KIRREL3: variants seen among roughly 807,000 people sequenced by gnomAD.
KIRREL3 encodes kin of IRRE-like protein 3.
In KIRREL3, 36 loss-of-function variants were observed where a neutral mutation model predicts 89.7. That is an observed-to-expected ratio of 0.40 (90% CI 0.31 to 0.53). The LOEUF is 0.53. KIRREL3 is among the 20% of genes least tolerant of loss of function. The pLI, the probability that KIRREL3 is intolerant of heterozygous loss-of-function variation, is 0.49. For missense variants in KIRREL3, 864 were observed against 1,056.6 expected (o/e 0.82, Z 2.53); for synonymous variants, 445 against 441.4 (o/e 1.01, Z -0.10).
rs1958285529 is a variant in KIRREL3, at chr11:126,513,264, G to A, written c.433+8051C>T. ...GGAGCAAAAGATGCTGGGGGGTATG[G>A]GGGCTGGCCCTGGGCATGGTCATTT... On this transcript the variant is annotated intron_variant, in intron 4 of 16. Coordinates refer to ENST00000525144, the MANE Select transcript of KIRREL3 (RefSeq NM_032531.4). This position sits in a 1 kb window ranked among gnomAD's most constrained non-coding sequence, Gnocchi z 5.9. Among the ~76,000 whole-genome samples, 1 of 152,102 alleles carries A rather than the reference G, an allele frequency of 6.6e-6. No homozygotes were observed. The highest frequency in any genetic ancestry group is 2.4e-5 in the African/African-American group (1 of 41,404).
At chr11:126,831,499 A>G (rs1334326982) in intron 1 of KIRREL3, among the ~76,000 whole-genome samples, 2 of 151,558 alleles carry the variant, frequency 1.3e-5, no homozygotes, top group Admixed American at 6.6e-5. Context: ...ACATCAGGTA[A>G]ACCTTGCCCT....
Position 126,424,851 on chromosome 11 carries a change from T to C in KIRREL3, c.2066A>G (p.Tyr689Cys), listed in dbSNP as rs765409471. 7 of 1,613,860 alleles carry C rather than the reference T, an allele frequency of 4.3e-6. No individual in the cohort carries two copies. The East Asian group carries it at 1.3e-4, about 31-fold the overall frequency. The change falls in exon 17 of 17, where the codon TAC (tyrosine) becomes TGC (cysteine). Residue 689 changes from tyrosine (Y) to cysteine (C), a missense_variant. Tyr to Cys is a radical substitution (Grantham distance 194). Coordinates refer to ENST00000525144, the MANE Select transcript of KIRREL3 (RefSeq NM_032531.4). ...YSTLSGQGRL[Y>C]DYGQRFVLGM... ...CAGCACAAACCGCTGCCCGTAGTCG[T>C]AGAGGCGGCCCTGGCCGCTCAGGGT...
In KIRREL3 at chr11:126,684,037, T is replaced by G. The variant is rs10450634; in HGVS notation, c.56-121125A>C. Among the ~76,000 whole-genome samples, 5 of 152,338 alleles carry G rather than the reference T, an allele frequency of 3.3e-5. No individual in the cohort carries two copies. The highest frequency in any genetic ancestry group is 1.2e-4 in the African/African-American group (5 of 41,588). On this transcript the variant is annotated intron_variant, in intron 1 of 16. Coordinates refer to ENST00000525144, the MANE Select transcript of KIRREL3 (RefSeq NM_032531.4). The surrounding 1 kb of genome is among the most constrained non-coding windows in gnomAD (Gnocchi z 4.2). ...GCTCCGCCTTCATACCGAAGGCAGC[T>G]TAGCATGGCACTGTCTGATCTGCTG...
rs1332261774 is a variant in KIRREL3 at position 126,522,926 on chromosome 11, G to A, written c.284-1462C>T. On this transcript the variant is annotated intron_variant, in intron 3 of 16. Transcript: ENST00000525144. This position sits in a 1 kb window ranked among gnomAD's most constrained non-coding sequence, Gnocchi z 6.0. ...TCTCAGACGGGTGCTGTAGGAGGAT[G>A]AGACGGGACACATTCAGCCTTTTAA... Among the ~76,000 whole-genome samples, 1 of 152,252 alleles carries A rather than the reference G, an allele frequency of 6.6e-6. No homozygotes were observed. Among genetic ancestry groups the A allele is most frequent in the African/African-American group, 2.4e-5 (1 of 41,470 alleles).
At chr11:126,453,326 C>G (rs1207095369) in intron 7 of KIRREL3, among the ~76,000 whole-genome samples, 2 of 152,064 alleles carry the variant, frequency 1.3e-5, no homozygotes, top group Non-Finnish European at 2.9e-5. Context: ...CCCCAAAGCA[C>G]TTTGGGCTCC....
rs527418577 is a variant in KIRREL3, at chr11:126,495,649, G to A, written c.434-22183C>T. On this transcript the variant is annotated intron_variant, in intron 4 of 16. Coordinates refer to ENST00000525144, the MANE Select transcript of KIRREL3 (RefSeq NM_032531.4). The surrounding 1 kb of genome is among the most constrained non-coding windows in gnomAD (Gnocchi z 6.5). ...TGTGTCCTCCCTGCTGTGACACCAG[G>A]TATAAGCAGAAACTTATGGTCACAG... 1.3e-5 allele frequency among the ~76,000 whole-genome samples: 2 copies of A among 152,240 alleles called. No individual in the cohort carries two copies. The highest frequency in any genetic ancestry group is 3.9e-4 in the East Asian group (2 of 5,160).
At chr11:126,907,732 C>T (rs182284224) in intron 1 of KIRREL3, among the ~76,000 whole-genome samples, 95 of 152,178 alleles carry the variant, frequency 6.2e-4, no homozygotes, top group Non-Finnish European at 1.1e-3. Flanking sequence ...ACTGAAGTGA[C>T]GAGATGGACA....
chr11:126,930,340 C>T (rs1947898004), intron 1 of KIRREL3, among the ~76,000 whole-genome samples: 1 of 152,108 alleles, frequency 6.6e-6, no homozygotes, highest in Non-Finnish European at 1.5e-5. Context: ...CCCTCTCTCC[C>T]ACCATTCTTT....
At chr11:126,509,668 C>T (rs977270615) in intron 4 of KIRREL3, among the ~76,000 whole-genome samples, 4 of 152,178 alleles carry the variant, frequency 2.6e-5, no homozygotes, top group Non-Finnish European at 4.4e-5. Context: ...TGCCTTGTGG[C>T]ATCCTGCCAC....
chr11:126,656,152 C>T lies in KIRREL3; in HGVS notation c.56-93240G>A, dbSNP rs1179728894. The T allele has an allele frequency of 1.8e-5, 8 of 456,018 alleles. No homozygotes were observed. Among genetic ancestry groups the T allele is most frequent in the Non-Finnish European group, 3.1e-5 (7 of 226,950 alleles). 28.2% of individuals were successfully genotyped at this position (456,018 alleles called of 1,614,324 possible). ...CTCGGGAACCAGCAACACAGATGTT[C>T]CCAGGAGCAATGTTTGCAGGTGAGT... On this transcript the variant is annotated intron_variant, in intron 1 of 16. Coordinates refer to ENST00000525144, the MANE Select transcript of KIRREL3 (RefSeq NM_032531.4). This position sits in a 1 kb window ranked among gnomAD's most constrained non-coding sequence, Gnocchi z 4.0.
At chr11:126,949,181 G>A (rs1349979555) in intron 1 of KIRREL3, among the ~76,000 whole-genome samples, 2 of 152,136 alleles carry the variant, frequency 1.3e-5, no homozygotes, top group Admixed American at 1.3e-4. Context: ...GATTTCTGGT[G>A]AGCTTTTAAG....
At chr11:126,972,843 C>T (rs896588611) in intron 1 of KIRREL3, among the ~76,000 whole-genome samples, 2 of 151,956 alleles carry the variant, frequency 1.3e-5, no homozygotes, top group African/African-American at 2.4e-5. Flanking sequence ...AAAACAACTG[C>T]AGAGGAATAA....
At position 126,956,063 on chromosome 11, in the gene KIRREL3, C is replaced by T. The variant is rs116023630; in HGVS notation, c.55+44392G>A. ...TTTCTGTCATTGAGTGACACATATG[C>T]CCACCTGCTTGCAAGTCCTGCATCC... On this transcript the variant is annotated intron_variant, in intron 1 of 16. Transcript: ENST00000525144. Among the ~76,000 whole-genome samples the T allele has an allele frequency of 6.5e-3, 987 of 152,294 alleles. 7 individuals carry two copies. The highest frequency in any genetic ancestry group is 0.022 in the African/African-American group (922 of 41,570).
At chr11:126,934,847 T>A (rs1451067079) in intron 1 of KIRREL3, 1 of 152,056 alleles carries the variant, frequency 6.6e-6, no homozygotes, top group African/African-American at 2.4e-5. Context: ...GATCACGAGG[T>A]CAGGACATCG....
At position 126,668,062 on chromosome 11, in the gene KIRREL3, A is replaced by G. The variant is rs1351684320; in HGVS notation, c.56-105150T>C. On this transcript the variant is annotated intron_variant, in intron 1 of 16. Coordinates refer to ENST00000525144, the MANE Select transcript of KIRREL3 (RefSeq NM_032531.4). The surrounding 1 kb of genome is among the most constrained non-coding windows in gnomAD (Gnocchi z 4.4). ...GCCCCTCATAAGGGGTTGATAGCTG[A>G]GCCCCTGTGTCTTAGTCAGTTTCGG... 6.6e-6 allele frequency among the ~76,000 whole-genome samples: 1 copy of G among 152,168 alleles called. No homozygotes were observed. The highest frequency in any genetic ancestry group is 1.5e-5 in the Non-Finnish European group (1 of 68,028).
intron 1 of KIRREL3, among the ~76,000 whole-genome samples, chr11:126,831,435 T>TTCTCTCTC (rs5795530): frequency 0.54 from 80,604 of 149,800 alleles, 21,474 homozygotes; most frequent in East Asian, 0.68. Context: ...CTCTCTCTCT[T>TTCTCTCTC]TCTCTCTCTC....
rs1238382515 is a variant in KIRREL3 at position 126,639,187 on chromosome 11, G to A, written c.56-76275C>T. The stretch of plus-strand genomic sequence containing the variant: ...AGATCTGGAAACTTAAGCTCTGGAG[G>A]GCCACCTGTCAGATGAGATTTGCCT... On this transcript the variant is annotated intron_variant, in intron 1 of 16. Transcript: ENST00000525144. This position sits in a 1 kb window ranked among gnomAD's most constrained non-coding sequence, Gnocchi z 4.3. Among the ~76,000 whole-genome samples the A allele has an allele frequency of 6.6e-6, 1 of 152,028 alleles. No individual in the cohort carries two copies. The highest frequency in any genetic ancestry group is 2.4e-5 in the African/African-American group (1 of 41,382).
rs1006705470 is a variant in KIRREL3, at chr11:126,607,356, A to C, written c.56-44444T>G. The stretch of plus-strand genomic sequence containing the variant: ...TTCTTATGGCTGGGGCTGCTTTCTA[A>C]TGTGAATATGAGTACTCTTGGCTGG... On this transcript the variant is annotated intron_variant, in intron 1 of 16. Coordinates refer to ENST00000525144, the MANE Select transcript of KIRREL3 (RefSeq NM_032531.4). The surrounding 1 kb of genome is among the most constrained non-coding windows in gnomAD (Gnocchi z 6.6). Among the ~76,000 whole-genome samples, 1 of 152,088 alleles carries C rather than the reference A, an allele frequency of 6.6e-6. No homozygotes were observed. The highest frequency in any genetic ancestry group is 2.4e-5 in the African/African-American group (1 of 41,412).
At chr11:126,962,365 G>A (rs909039395) in intron 1 of KIRREL3, among the ~76,000 whole-genome samples, 7 of 152,176 alleles carry the variant, frequency 4.6e-5, no homozygotes, top group Non-Finnish European at 7.3e-5. Flanking sequence ...CAATCCTCAC[G>A]GATGACTTTG....
Sources: gnomAD v4.1 joint callset for allele counts (sites outside exome capture counted in the v4.1 genomes callset) on GRCh38, gnomAD v4.1.1 for gene constraint, Gnocchi (gnomAD v3.1) non-coding constraint, MANE v1.5 for transcripts, NCBI Gene and HGNC (gene_info 2026-07-23, HGNC 2026-07-21) for gene names.